Variants in RBFOX1 observed in about 807,000 individuals in gnomAD.
RBFOX1 encodes RNA binding fox-1 homolog 1, also known as RNA binding protein fox-1 homolog 1.
Under a neutral mutation model 57.7 loss-of-function variants are expected in RBFOX1, and 8 were observed. That is an observed-to-expected ratio of 0.14 (90% CI 0.08 to 0.25). The LOEUF is 0.25. RBFOX1 is among the 10% of genes least tolerant of loss of function. The probability of loss-of-function intolerance (pLI) is 1.00; values close to 1 mark genes in which losing one functional copy is unlikely to be tolerated. For missense variants in RBFOX1, 611 were observed against 548.5 expected, an observed-to-expected ratio of 1.11 and a Z score of -1.14; for synonymous variants, 326 against 222.4, an observed-to-expected ratio of 1.47 and a Z score of -4.15.
At chr16:5,902,237 G>A (rs2058320970) in intron 4 of RBFOX1, among the ~76,000 whole-genome samples, 1 of 151,996 alleles carries the variant, frequency 6.6e-6, no homozygotes, top group South Asian at 2.1e-4. Context: ...CCATTTTATA[G>A]ATGAGTAAAC....
chr16:5,970,820 C>A (rs565275980), intron 4 of RBFOX1, among the ~76,000 whole-genome samples: 162 of 152,286 alleles, frequency 1.1e-3, no homozygotes, highest in Non-Finnish European at 2.0e-3. Context: ...TGCCTTGAGT[C>A]AGTATGCACA....
chr16:7,325,046 G>C (rs2096593547), intron 4 of RBFOX1, among the ~76,000 whole-genome samples: 1 of 152,186 alleles, frequency 6.6e-6, no homozygotes, highest in Non-Finnish European at 1.5e-5. Context: ...TTCACAAGTT[G>C]CATTTGTTAG....
chr16:7,696,992 G>T (rs891263621), intron 14 of RBFOX1, among the ~76,000 whole-genome samples: 1 of 152,180 alleles, frequency 6.6e-6, no homozygotes, highest in Non-Finnish European at 1.5e-5. Flanking sequence ...CTAGGAGGTA[G>T]ACAGGGGTCA....
chr16:6,978,695 C>T (rs1346951839), intron 3 of RBFOX1, among the ~76,000 whole-genome samples: 2 of 152,118 alleles, frequency 1.3e-5, no homozygotes, highest in African/African-American at 2.4e-5. Flanking sequence ...GAGGTTTTGC[C>T]AATGTAATCA....
chr16:7,280,264 A>G (rs1360867375), intron 4 of RBFOX1, among the ~76,000 whole-genome samples: 2 of 152,322 alleles, frequency 1.3e-5, no homozygotes, highest in East Asian at 1.9e-4. Flanking sequence ...CAGAGGGCTT[A>G]GGTCACTTCC....
At position 5,743,651 on chromosome 16, in the gene RBFOX1, A is replaced by G. The variant is rs1254965489; in HGVS notation, c.319-123652A>G. On this transcript the variant is annotated intron_variant, in intron 3 of 19. Transcript: ENST00000641259. The stretch of plus-strand genomic sequence containing the variant: ...AATTAAAAAATCACACATGATTTTC[A>G]TTATATTTCTTTTTTGTTTATTACG... Among the ~76,000 whole-genome samples, 6 of 152,252 alleles carry G rather than the reference A, an allele frequency of 3.9e-5. No homozygotes were observed. In the East Asian group the frequency reaches 1.2e-3, roughly 29 times the overall value.
chr16:7,070,601 G>A (rs1385509978), intron 4 of RBFOX1, among the ~76,000 whole-genome samples: 1 of 152,160 alleles, frequency 6.6e-6, no homozygotes, highest in East Asian at 1.9e-4. Flanking sequence ...CGTTTAAGTG[G>A]TTTTGATTAA....
intron 2 of RBFOX1, among the ~76,000 whole-genome samples, chr16:6,411,864 T>A (rs942009311): frequency 2.0e-5 from 3 of 152,016 alleles, no homozygotes; most frequent in Admixed American, 2.0e-4. Flanking sequence ...CCAGGTGTGG[T>A]GGCTCACGCC....
At chr16:5,454,767 C>CCTTT (rs1567534245) in intron 1 of RBFOX1, among the ~76,000 whole-genome samples, 402 of 36,294 alleles carry the variant, frequency 0.011, 5 homozygotes, top group African/African-American at 0.038. Flanking sequence ...TTCTTTCTTT[C>CCTTT]TCTTTCTTTC....
chr16:5,864,001 C>T lies in RBFOX1; in HGVS notation c.319-3302C>T, dbSNP rs1208207200. Among the ~76,000 whole-genome samples, 3 of 152,032 alleles carry T rather than the reference C, an allele frequency of 2.0e-5. No individual in the cohort carries two copies. In the East Asian group the frequency reaches 5.8e-4, roughly 29 times the overall value. On this transcript the variant is annotated intron_variant, in intron 3 of 19. Coordinates refer to the RBFOX1 transcript ENST00000641259. ...GGTTTGTTGTACAGATGATTTCATC[C>T]CCCAGGTATTAAGCCTAGTGCCCAT...
chr16:7,566,836 G>C (rs556978001), intron 5 of RBFOX1, among the ~76,000 whole-genome samples: 2 of 152,182 alleles, frequency 1.3e-5, no homozygotes, highest in African/African-American at 4.8e-5. Flanking sequence ...CCTCCAGGGA[G>C]CTTGTGAACT....
intron 1 of RBFOX1, among the ~76,000 whole-genome samples, chr16:5,409,338 A>C (rs1039748052): frequency 6.6e-6 from 1 of 152,166 alleles, no homozygotes; most frequent in African/African-American, 2.4e-5. Context: ...GACCTCCTTC[A>C]AGGTGGTGTC....
chr16:7,504,754 TTTATATA>T (rs2072475299), intron 4 of RBFOX1, among the ~76,000 whole-genome samples: 1 of 5,638 alleles, frequency 1.8e-4, no homozygotes, highest in South Asian at 6.5e-3. Context: ...TATATATATA[TTTATATA>T]TATATATATT....
chr16:6,453,685 G>A (rs1401923459), intron 2 of RBFOX1, among the ~76,000 whole-genome samples: 1 of 151,918 alleles, frequency 6.6e-6, no homozygotes, highest in Non-Finnish European at 1.5e-5. Flanking sequence ...TCATTTTATG[G>A]AAGCCCCTGA....
chr16:7,242,804 TG>T (rs1278358245), intron 4 of RBFOX1, among the ~76,000 whole-genome samples: 2 of 152,202 alleles, frequency 1.3e-5, no homozygotes, highest in Admixed American at 1.3e-4. Flanking sequence ...CCAAATTTTC[TG>T]TTTGTTGATT....
intron 2 of RBFOX1, among the ~76,000 whole-genome samples, chr16:6,395,229 A>C (rs928024275): frequency 6.6e-6 from 1 of 152,346 alleles, no homozygotes; most frequent in South Asian, 2.1e-4. Flanking sequence ...AAGAAAATAA[A>C]AAGTTCTGAC....
At chr16:7,097,634 A>G (rs138826972) in intron 4 of RBFOX1, among the ~76,000 whole-genome samples, 109 of 152,312 alleles carry the variant, frequency 7.2e-4, no homozygotes, top group Non-Finnish European at 1.2e-3. Flanking sequence ...GCAAGTCTAC[A>G]TATGTACTAA....
At chr16:6,729,781 G>A (rs901715194) in intron 3 of RBFOX1, among the ~76,000 whole-genome samples, 6 of 152,126 alleles carry the variant, frequency 3.9e-5, no homozygotes, top group African/African-American at 1.4e-4. Flanking sequence ...CACTTAAGTT[G>A]AGTTTGTTTC....
chr16:6,784,223 ACTT>A (rs1162491237), intron 3 of RBFOX1, among the ~76,000 whole-genome samples: 6 of 151,756 alleles, frequency 4.0e-5, no homozygotes, highest in Admixed American at 1.3e-4. Flanking sequence ...CTCTTTCTCT[ACTT>A]CTTCTTCAAG....
Sources: allele counts gnomAD v4.1 joint callset (sites outside exome capture counted in the v4.1 genomes callset), GRCh38; gene constraint gnomAD v4.1.1; transcripts MANE v1.5; gene names NCBI Gene and HGNC (gene_info 2026-07-23, HGNC 2026-07-21).